The following UQCC6 variants were observed in gnomAD, a reference collection of about 807,000 sequenced individuals.
The protein encoded by UQCC6 is protein BRAWNIN.
At chr12:103,951,769 G>C in the UQCC6 span, 18 of 569,704 alleles carry the variant, frequency 3.2e-5, no homozygotes, top group African/African-American at 3.0e-4. Context: ...TCTTTATTAT[G>C]AGAAGCTCTG....
At chr12:103,950,454 C>T in the UQCC6 span, 7 of 152,210 alleles carry the variant, frequency 4.6e-5, no homozygotes, top group Admixed American at 3.3e-4. Context: ...AGTGGCCAGG[C>T]CTTTCTATTC....
At chr12:103,963,469 A>G in the UQCC6 span, among the ~76,000 whole-genome samples, 9 of 152,220 alleles carry the variant, frequency 5.9e-5, no homozygotes. Context: ...TTGCATTTCC[A>G]TATAAATTTT....
the UQCC6 span, chr12:103,953,368 A>G: frequency 5.7e-6 from 4 of 702,008 alleles, no homozygotes. Context: ...CAACAGAGTC[A>G]TCTCCTTTGC....
At chr12:103,956,828 C>A in the UQCC6 span, 2 of 860,056 alleles carry the variant, frequency 2.3e-6, no homozygotes, top group East Asian at 5.4e-5. Context: ...CTCCAGCCAG[C>A]GCTGGACACG....
chr12:103,954,090 T>C, the UQCC6 span, among the ~76,000 whole-genome samples: 530 of 152,352 alleles, frequency 3.5e-3, 3 homozygotes, highest in Non-Finnish European at 5.7e-3. Flanking sequence ...CAATAAGGGA[T>C]TGATCAAATA....
the UQCC6 span, among the ~76,000 whole-genome samples, chr12:103,964,255 C>T: frequency 6.7e-6 from 1 of 150,254 alleles, no homozygotes; most frequent in African/African-American, 2.5e-5. Context: ...CTGGTTCAAG[C>T]GATTCTCCCA....
At chr12:103,957,983 T>C in the UQCC6 span, among the ~76,000 whole-genome samples, 1 of 143,816 alleles carries the variant, frequency 7.0e-6, no homozygotes, top group Non-Finnish European at 1.5e-5. Context: ...TTTTAATATA[T>C]ATTTATATAT....
chr12:103,960,017 C>A, the UQCC6 span, among the ~76,000 whole-genome samples: 1 of 151,766 alleles, frequency 6.6e-6, no homozygotes, highest in Non-Finnish European at 1.5e-5. Flanking sequence ...ACAGGTGATC[C>A]GCCTGCCTCG....
chr12:103,954,173 G>T, the UQCC6 span, among the ~76,000 whole-genome samples: 1 of 152,230 alleles, frequency 6.6e-6, no homozygotes, highest in Admixed American at 6.5e-5. Context: ...GTCTATTTAT[G>T]TAGATGTTAA....
At chr12:103,957,964 ATT>A in the UQCC6 span, among the ~76,000 whole-genome samples, 2 of 143,576 alleles carry the variant, frequency 1.4e-5, no homozygotes, top group Admixed American at 1.4e-4. Context: ...TTTAATATAT[ATT>A]ATATATTTTT....
the UQCC6 span, chr12:103,954,610 C>T: frequency 9.6e-4 from 281 of 293,874 alleles, no homozygotes; most frequent in Middle Eastern, 2.9e-3. Context: ...CCAGGTCCTA[C>T]TTCCAACATT....
the UQCC6 span, among the ~76,000 whole-genome samples, chr12:103,960,523 T>C: frequency 6.6e-6 from 1 of 152,152 alleles, no homozygotes; most frequent in Non-Finnish European, 1.5e-5. Context: ...CTCATTTTGG[T>C]TTTAATATAC....
At chr12:103,965,680 G>A in the UQCC6 span, 13 of 282,270 alleles carry the variant, frequency 4.6e-5, no homozygotes, top group African/African-American at 1.3e-4. Flanking sequence ...AGCTGACGTC[G>A]GCAGAGCGCT....
At chr12:103,953,611 T>C in the UQCC6 span, 2 of 701,098 alleles carry the variant, frequency 2.9e-6, no homozygotes, top group Non-Finnish European at 5.2e-6. Context: ...AAAGAACATA[T>C]AAATGTTAAT....
the UQCC6 span, chr12:103,956,541 T>A: frequency 1.2e-6 from 1 of 845,666 alleles, no homozygotes; most frequent in African/African-American, 1.7e-5. Flanking sequence ...GCATCTGCAT[T>A]GCTATAAAGG....
At chr12:103,955,037 A>T in the UQCC6 span, 1 of 686,472 alleles carries the variant, frequency 1.5e-6, no homozygotes, top group Admixed American at 2.0e-5. Flanking sequence ...CAAATGGGCC[A>T]GGCACAGTGG....
the UQCC6 span, chr12:103,950,763 C>T: frequency 6.6e-6 from 1 of 152,148 alleles, no homozygotes; most frequent in African/African-American, 2.4e-5. Flanking sequence ...TAAATTTTTA[C>T]TTTAATAACC....
the UQCC6 span, among the ~76,000 whole-genome samples, chr12:103,964,424 C>T: frequency 2.8e-4 from 42 of 152,180 alleles, no homozygotes; most frequent in Admixed American, 6.5e-4. Context: ...GGCCTCCTCA[C>T]GTTAACTTTC....
the UQCC6 span, chr12:103,956,926 T>G: frequency 1.8e-6 from 1 of 565,684 alleles, no homozygotes; most frequent in Admixed American, 3.1e-5. Context: ...CTGAGGGCAC[T>G]GAGAGGACGA....
Sources: gnomAD v4.1 joint callset for allele counts (sites outside exome capture counted in the v4.1 genomes callset) on GRCh38, gnomAD v4.1.1 for gene constraint, MANE v1.5 for transcripts, NCBI Gene and HGNC (gene_info 2026-07-23, HGNC 2026-07-21) for gene names.